C12orf42: variants seen among roughly 807,000 people sequenced by gnomAD.
C12orf42 encodes chromosome 12 open reading frame 42.
A neutral mutation model predicts 21.6 loss-of-function variants in C12orf42; 25 were observed. That is an observed-to-expected ratio of 1.16 (90% CI 0.84 to 1.62). C12orf42 has a LOEUF of 1.62. Among genes scored for constraint, C12orf42 ranks in the 40% most tolerant of loss-of-function variants. The pLI is 0.00. For synonymous variants in C12orf42, 174 were observed against 175.0 expected, an observed-to-expected ratio of 0.99 and a Z score of 0.05; for missense variants, 483 against 459.3, an observed-to-expected ratio of 1.05 and a Z score of -0.47.
At chr12:103,461,119 A>G (rs530935105) in intron 2 of C12orf42, among the ~76,000 whole-genome samples, 1 of 152,330 alleles carries the variant, frequency 6.6e-6, no homozygotes, top group Non-Finnish European at 1.5e-5. Flanking sequence ...GAGAATAAAA[A>G]TTTTTGGACC....
the C12orf42 span, among the ~76,000 whole-genome samples, chr12:103,213,858 G>A: frequency 2.0e-5 from 3 of 152,076 alleles, no homozygotes; most frequent in East Asian, 3.8e-4. Flanking sequence ...TCTGCCTTTG[G>A]ACTGAGTCTG....
chr12:103,542,939 G>A, the C12orf42 span, among the ~76,000 whole-genome samples: 3 of 152,218 alleles, frequency 2.0e-5, no homozygotes. Context: ...CAACATCTAC[G>A]ACCAGAACCT....
At chr12:103,548,992 T>C in the C12orf42 span, 2 of 152,220 alleles carry the variant, frequency 1.3e-5, no homozygotes, top group African/African-American at 4.8e-5. Flanking sequence ...TAACCTCACC[T>C]CTATGGACCT....
At chr12:103,376,658 T>C (rs1593692963) in intron 3 of C12orf42, among the ~76,000 whole-genome samples, 1 of 152,226 alleles carries the variant, frequency 6.6e-6, no homozygotes, top group African/African-American at 2.4e-5. Flanking sequence ...GTGAGCTATC[T>C]GGGAGATGTT....
chr12:103,181,112 A>G, the C12orf42 span, among the ~76,000 whole-genome samples: 1 of 151,964 alleles, frequency 6.6e-6, no homozygotes, highest in East Asian at 2.0e-4. Flanking sequence ...AAATACAAAA[A>G]TTACCTGGGC....
At chr12:103,560,337 CAG>C in the C12orf42 span, among the ~76,000 whole-genome samples, 1 of 152,210 alleles carries the variant, frequency 6.6e-6, no homozygotes, top group Non-Finnish European at 1.5e-5. Context: ...AAGCCAGAGA[CAG>C]TGGATGCAAG....
intron 4 of C12orf42, among the ~76,000 whole-genome samples, chr12:103,292,307 T>C (rs2036874797): frequency 6.6e-6 from 1 of 152,166 alleles, no homozygotes; most frequent in Non-Finnish European, 1.5e-5. Flanking sequence ...ACAGGGTTTC[T>C]ATTCAAATTC....
At chr12:103,341,108 G>A (rs1202104354) in intron 4 of C12orf42, among the ~76,000 whole-genome samples, 1 of 80,992 alleles carries the variant, frequency 1.2e-5, no homozygotes, top group Non-Finnish European at 2.0e-5. Context: ...GCAAGACTCT[G>A]TCTCAAAAAA....
downstream of C12orf42, among the ~76,000 whole-genome samples, chr12:103,299,991 GA>G (rs2037543248): frequency 1.3e-5 from 2 of 152,174 alleles, no homozygotes; most frequent in Non-Finnish European, 2.9e-5. Context: ...CTCCAAGGAA[GA>G]AAAGGGTCTC....
the C12orf42 span, among the ~76,000 whole-genome samples, chr12:103,540,723 A>G: frequency 5.3e-5 from 8 of 152,024 alleles, no homozygotes; most frequent in Non-Finnish European, 4.4e-5. Context: ...ATTTTTTTAA[A>G]CCCAGTCTGA....
At chr12:103,375,951 G>C (rs913734976) in intron 3 of C12orf42, among the ~76,000 whole-genome samples, 2 of 152,116 alleles carry the variant, frequency 1.3e-5, no homozygotes, top group African/African-American at 2.4e-5. Flanking sequence ...TCCTACCAAA[G>C]CTTAAAATCT....
the C12orf42 span, among the ~76,000 whole-genome samples, chr12:103,153,751 A>G: frequency 6.6e-6 from 1 of 152,112 alleles, no homozygotes; most frequent in East Asian, 1.9e-4. Context: ...GTTTGGGAGT[A>G]TCTATAATAT....
the C12orf42 span, among the ~76,000 whole-genome samples, chr12:103,139,874 G>A: frequency 6.6e-6 from 1 of 152,158 alleles, no homozygotes; most frequent in Non-Finnish European, 1.5e-5. Flanking sequence ...TTCTAGTGGT[G>A]GTACTGTGAA....
At chr12:103,403,406 G>A (rs1434893533) in intron 2 of C12orf42, among the ~76,000 whole-genome samples, 2 of 152,018 alleles carry the variant, frequency 1.3e-5, no homozygotes, top group African/African-American at 2.4e-5. Context: ...AAGGATGCAG[G>A]GGCACTATCC....
chr12:103,159,081 T>C, the C12orf42 span, among the ~76,000 whole-genome samples: 3 of 152,208 alleles, frequency 2.0e-5, no homozygotes, highest in Non-Finnish European at 4.4e-5. Context: ...GACAGAACTT[T>C]TAAACCCTCC....
intron 2 of C12orf42, among the ~76,000 whole-genome samples, chr12:103,407,062 C>A (rs1259459594): frequency 6.6e-6 from 1 of 151,988 alleles, no homozygotes; most frequent in East Asian, 1.9e-4. Flanking sequence ...ATCTGAAGCC[C>A]AGAGAACTCA....
At chr12:103,304,403 A>G (rs1018150110) in intron 5 of C12orf42, among the ~76,000 whole-genome samples, 8 of 152,328 alleles carry the variant, frequency 5.3e-5, no homozygotes, top group Admixed American at 4.6e-4. Context: ...AATAAACCCT[A>G]TGATGAAAAA....
At chr12:103,487,381 G>A (rs912143606) in intron 1 of C12orf42, among the ~76,000 whole-genome samples, 1 of 152,168 alleles carries the variant, frequency 6.6e-6, no homozygotes, top group Non-Finnish European at 1.5e-5. Flanking sequence ...CCAATTATGT[G>A]ATCAATTTTA....
chr12:103,197,171 T>G, the C12orf42 span, among the ~76,000 whole-genome samples: 1 of 152,248 alleles, frequency 6.6e-6, no homozygotes, highest in East Asian at 1.9e-4. Context: ...CTTTTGTTTA[T>G]GGAGCTCGGT....
Sources: gnomAD v4.1 joint callset for allele counts (sites outside exome capture counted in the v4.1 genomes callset) on GRCh38, gnomAD v4.1.1 for gene constraint, MANE v1.5 for transcripts, NCBI Gene and HGNC (gene_info 2026-07-23, HGNC 2026-07-21) for gene names.